The following CHAF1A variants were observed in gnomAD, a reference collection of about 807,000 sequenced individuals.
CHAF1A encodes the protein chromatin assembly factor 1 subunit A.
In CHAF1A, 5 loss-of-function variants were observed where a neutral mutation model predicts 93.2. That is an observed-to-expected ratio of 0.05 (90% CI 0.03 to 0.11). The LOEUF (loss-of-function observed/expected upper bound fraction) is 0.11, where lower values mean the gene tolerates loss of function less well. Among genes scored for constraint, CHAF1A ranks in the 10% least tolerant of loss-of-function variants. The pLI is 1.00. For missense variants in CHAF1A, 1,102 were observed against 1,259.9 expected (o/e 0.87, Z 1.90); for synonymous variants, 504 against 510.3 (o/e 0.99, Z 0.17).
At chr19:4,429,262 C>T in intron 8 of CHAF1A, 176 bp from the exon 9 acceptor site, 1 of 717,416 alleles carries the variant, frequency 1.4e-6, no homozygotes, top group Admixed American at 2.9e-5. Context: ...GCACCCTCCT[C>T]CATCTGTCCC....
chr19:4,447,644 G>C (rs115616812), downstream of CHAF1A: 24 of 1,613,598 alleles, frequency 1.5e-5, no homozygotes, highest in African/African-American at 2.7e-5. Context: ...GGTGGAGAAG[G>C]TGAGTGGGGC....
chr19:4,449,107 A>G (rs1464568532), downstream of CHAF1A: 1 of 154,020 alleles, frequency 6.5e-6, no homozygotes, highest in Non-Finnish European at 1.4e-5. Flanking sequence ...CAGCATGGAG[A>G]GGCTGAGAAC....
At position 4,442,847 on chromosome 19, in the gene CHAF1A, A is replaced by G; in HGVS notation, c.2771-78A>G. The G allele has an allele frequency of 4.6e-6, 5 of 1,086,002 alleles. No individual in the cohort carries two copies. The East Asian group carries it at 7.8e-5, about 17-fold the overall frequency. 67.3% of individuals were successfully genotyped at this position (1,086,002 alleles called of 1,614,324 possible). ...CCCTGGGGTTGTTGCAGGCCCCATG[A>G]GGCAGCAGGGTGGGGTCTTCCCCCA... On this transcript the variant is annotated intron_variant, in intron 14 of 14. Transcript: ENST00000301280.
downstream of CHAF1A, chr19:4,449,595 G>A (rs1338532927): frequency 6.6e-6 from 1 of 152,328 alleles, no homozygotes; most frequent in Non-Finnish European, 1.5e-5. Context: ...CACCAGCCAA[G>A]GGAAGCGTGT....
intron 1 of CHAF1A, 30 bp downstream of exon 1, chr19:4,402,844 G>C (rs986606704): frequency 4.2e-6 from 5 of 1,185,026 alleles, no homozygotes; most frequent in Non-Finnish European, 5.2e-6. Flanking sequence ...GAGGGGAAGG[G>C]GGGGCGCGGC....
rs45597332 is a variant in CHAF1A, at chr19:4,433,256, G to A, written c.2390G>A (p.Arg797Gln). ...SEDAAIPSKS[R>Q]LKRLISENSV... ...GATGCCGCCATCCCCTCTAAGTCCC[G>A]GCTCAAGCGGCTCATTTCCGAGAAC... Residue 797 changes from arginine (R) to glutamine (Q), a missense_variant, in exon 13 of 15, where the codon CGG becomes CAG. Around this residue, in one of 6 missense-constraint regions of CHAF1A, gnomAD observed 76 missense variants for 129.8 expected, o/e 0.59. Transcript: ENST00000301280. This position sits in a 1 kb window ranked among gnomAD's most constrained non-coding sequence, Gnocchi z 5.6. 0.014 allele frequency: 22,809 copies of A among 1,614,148 alleles called. 228 individuals carry two copies. The highest frequency in any genetic ancestry group is 0.025 in the Middle Eastern group (152 of 6,062).
chr19:4,432,308 T>C, intron 12 of CHAF1A, 101 bp downstream of exon 12: 3 of 1,338,982 alleles, frequency 2.2e-6, no homozygotes, highest in Non-Finnish European at 3.0e-6. Flanking sequence ...GATGCAAATG[T>C]TCTTTCCACA....
At chr19:4,423,897 T>C (rs1387542128) in intron 7 of CHAF1A, 23 bp downstream of exon 7, 1 of 1,611,432 alleles carries the variant, frequency 6.2e-7, no homozygotes, top group Non-Finnish European at 8.5e-7. Flanking sequence ...CTGCCTTTGC[T>C]TTTGGGTTTC....
chr19:4,446,436 G>T (rs748110180), downstream of CHAF1A: 1 of 1,579,116 alleles, frequency 6.3e-7, no homozygotes, highest in Admixed American at 1.8e-5. Context: ...GCCAGGTCAC[G>T]AGGGCTGGCC....
chr19:4,437,852 G>GC, intron 13 of CHAF1A, among the ~76,000 whole-genome samples: 1 of 152,192 alleles, frequency 6.6e-6, no homozygotes, highest in South Asian at 2.1e-4. Flanking sequence ...CCATTCTCCT[G>GC]CCTCAGCCTC....
At chr19:4,412,132 C>G (rs1263634684) in intron 3 of CHAF1A, among the ~76,000 whole-genome samples, 1 of 152,204 alleles carries the variant, frequency 6.6e-6, no homozygotes, top group Non-Finnish European at 1.5e-5. Flanking sequence ...CTCCCAAAAT[C>G]AGAGTTGAAG....
chr19:4,436,053 C>T (rs534135957), intron 13 of CHAF1A, among the ~76,000 whole-genome samples: 18 of 152,070 alleles, frequency 1.2e-4, no homozygotes, highest in African/African-American at 4.3e-4. Context: ...GCAGGAGAAT[C>T]GCTTGAACCC....
intron 13 of CHAF1A, among the ~76,000 whole-genome samples, chr19:4,442,019 A>C (rs1974399787): frequency 6.6e-6 from 1 of 152,240 alleles, no homozygotes; most frequent in South Asian, 2.1e-4. Flanking sequence ...TGGAGATCTG[A>C]ATCCAGTTCA....
chr19:4,447,694 C>T (rs1422166180), downstream of CHAF1A: 1 of 1,504,090 alleles, frequency 6.6e-7, no homozygotes. Context: ...GTGCCTCCTG[C>T]TCCAGGTAAC....
chr19:4,435,888 C>T (rs1157323864), intron 13 of CHAF1A, among the ~76,000 whole-genome samples: 1 of 152,154 alleles, frequency 6.6e-6, no homozygotes, highest in Non-Finnish European at 1.5e-5. Context: ...CCTATAATCC[C>T]ATCACTTTGG....
At chr19:4,409,853 A>G in intron 3 of CHAF1A, 94 bp downstream of exon 3, 4 of 1,436,604 alleles carry the variant, frequency 2.8e-6, no homozygotes, top group Non-Finnish European at 2.8e-6. Context: ...TTTGTGGCAG[A>G]GTGAGCGGGG....
At chr19:4,409,787 C>G (rs749335867) in intron 3 of CHAF1A, 28 bp downstream of exon 3, 2 of 1,573,472 alleles carry the variant, frequency 1.3e-6, no homozygotes, top group Admixed American at 3.5e-5. Context: ...AGTCCCTGCA[C>G]ATCAGTGCTC....
In CHAF1A at chr19:4,422,575, C is replaced by T. The variant is rs1250316275; in HGVS notation, c.1027C>T (p.Arg343Cys). The change falls in exon 5 of 15, where the codon CGT (arginine) becomes TGT (cysteine). Residue 343 changes from arginine to cysteine, a missense_variant. This residue lies in a region of CHAF1A where 165 missense variants were observed against 243.9 expected (regional missense o/e 0.68). Transcript: ENST00000301280. The surrounding 1 kb of genome is among the most constrained non-coding windows in gnomAD (Gnocchi z 4.6). The part of the protein sequence containing the change: ...NKLRLQRDQE[R>C]LGKQLKLRAE... ...CCACACTGTCTTGTAGGATCAGGAG[C>T]GTCTGGGCAAGCAGCTCAAGTTACG... 2.6e-6 allele frequency: 4 copies of T among 1,565,262 alleles called. No homozygotes were observed. Among genetic ancestry groups the T allele is most frequent in the Non-Finnish European group, 3.5e-6 (4 of 1,154,788 alleles).
Position 4,428,065 on chromosome 19 carries a change from G to A in CHAF1A, c.1378-599G>A, listed in dbSNP as rs559192742. Among the ~76,000 whole-genome samples, 383 of 129,790 alleles carry A rather than the reference G, an allele frequency of 3.0e-3. 3 individuals carry two copies. The highest frequency in any genetic ancestry group is 4.0e-3 in the Non-Finnish European group (240 of 60,326). 85.1% of individuals were successfully genotyped at this position (129,790 alleles called of 152,430 possible). A position where few individuals can be genotyped will look rare whatever the true frequency, so the allele number is the denominator to read the frequency against. On this transcript the variant is annotated intron_variant, in intron 7 of 14. Transcript: ENST00000301280. Reference sequence around the variant, plus strand: ...TAGAGATGGGGTTTCACCATGTTGGGCAGGCTGGTCTCGAACTCCTGACCT... The same window carrying A: ...TAGAGATGGGGTTTCACCATGTTGGACAGGCTGGTCTCGAACTCCTGACCT...
Sources: allele counts gnomAD v4.1 joint callset (sites outside exome capture counted in the v4.1 genomes callset), GRCh38; gene constraint gnomAD v4.1.1; regional missense constraint gnomAD v4.1.1; non-coding constraint Gnocchi (gnomAD v3.1); transcripts MANE v1.5; gene names NCBI Gene and HGNC (gene_info 2026-07-23, HGNC 2026-07-21).